Variants in RYR1 observed in about 807,000 individuals in gnomAD.
The protein encoded by RYR1 is ryanodine receptor 1.
Under a neutral mutation model 583.5 loss-of-function variants are expected in RYR1, and 342 were observed. The ratio of observed to expected loss-of-function variants is 0.59; its 90% CI spans 0.54 to 0.64. The LOEUF is 0.64. Ranked by LOEUF, RYR1 falls within the 30% of genes least tolerant of loss-of-function variation. The pLI is 0.00. For synonymous variants in RYR1, 2,791 were observed against 2,822.5 expected, an observed-to-expected ratio of 0.99 and a Z score of 0.35; for missense variants, 6,032 against 6,917.2, an observed-to-expected ratio of 0.87 and a Z score of 4.54.
intron 74 of RYR1, 90 bp downstream of exon 74, chr19:38,528,508 C>T: frequency 6.3e-7 from 1 of 1,587,810 alleles, no homozygotes; most frequent in Non-Finnish European, 8.6e-7. Context: ...CGTGATGGGG[C>T]CTTGAGGGTG....
chr19:38,499,278 A>G lies in RYR1; in HGVS notation c.7027+35A>G, dbSNP rs749557575. On this transcript the variant is annotated intron_variant, in intron 43 of 105. Coordinates refer to ENST00000359596, the MANE Select transcript of RYR1 (RefSeq NM_000540.3). This position sits in a 1 kb window ranked among gnomAD's most constrained non-coding sequence, Gnocchi z 7.3. ...GGGTGGCAGTGGCAGAGCGGGAAGT[A>G]TGGAGTCACTGGTCACACACCTCCC... 2 of 1,613,998 alleles carry G rather than the reference A, an allele frequency of 1.2e-6. No homozygotes were observed. The highest frequency in any genetic ancestry group is 2.2e-5 in the East Asian group (1 of 44,882).
At position 38,586,206 on chromosome 19, in the gene RYR1, T is replaced by C; in HGVS notation, c.14969+15T>C. On this transcript the variant is annotated intron_variant, in intron 104 of 105. Coordinates refer to ENST00000359596, the MANE Select transcript of RYR1 (RefSeq NM_000540.3). ...GCCAATTACATGTGAGCAGACACAC[T>C]GGCCAGTCAGGAGGGTGGGGGGCAT... 6.2e-7 allele frequency: 1 copy of C among 1,610,288 alleles called. No homozygotes were observed. Among genetic ancestry groups the C allele is most frequent in the Non-Finnish European group, 8.5e-7 (1 of 1,177,862 alleles).
chr19:38,467,708 G>T lies in RYR1; in HGVS notation c.3277G>T (p.Ala1093Ser), dbSNP rs1968183094. Reference sequence around the variant, plus strand: ...CGGCCGCTGGTACTTCGAGTTTGAAGCAGTCACCACAGGCGAGATGCGCGT... The same window carrying T: ...CGGCCGCTGGTACTTCGAGTTTGAATCAGTCACCACAGGCGAGATGCGCGT... ...QSGRWYFEFE[A>S]VTTGEMRVGW... Residue 1093 changes from alanine (A) to serine (S), a missense_variant, in exon 25 of 106, where the codon GCA becomes TCA. Transcript: ENST00000359596. 1 of 1,614,116 alleles carries T rather than the reference G, an allele frequency of 6.2e-7. No homozygotes were observed. The highest frequency in any genetic ancestry group is 1.1e-5 in the South Asian group (1 of 91,086).
intron 82 of RYR1, 64 bp downstream of exon 82, chr19:38,536,134 AC>A: frequency 1.1e-6 from 1 of 931,266 alleles, no homozygotes; most frequent in Non-Finnish European, 1.3e-6. Context: ...CTCCCACCCC[AC>A]CCCCACCCGC....
chr19:38,479,587 ATTG>A (rs776260705), intron 31 of RYR1, among the ~76,000 whole-genome samples: 2 of 151,574 alleles, frequency 1.3e-5, no homozygotes, highest in Non-Finnish European at 2.9e-5. Context: ...TTTTGTGTGT[ATTG>A]TTTGTAGAGA....
chr19:38,586,349 G>T (rs1185315966), intron 104 of RYR1, among the ~76,000 whole-genome samples, 158 bp downstream of exon 104: 1 of 152,198 alleles, frequency 6.6e-6, no homozygotes. Flanking sequence ...GGCCCCGCAA[G>T]ATGGTTCACA....
intron 97 of RYR1, among the ~76,000 whole-genome samples, chr19:38,576,303 A>C (rs1272711024): frequency 3.9e-5 from 6 of 152,008 alleles, no homozygotes; most frequent in Non-Finnish European, 8.8e-5. Context: ...AAAATACAAA[A>C]AATTAGCACG....
At chr19:38,537,058 T>C in intron 83 of RYR1, 1 of 546,888 alleles carries the variant, frequency 1.8e-6, no homozygotes, top group Non-Finnish European at 3.3e-6. Flanking sequence ...AAAGATCTCT[T>C]TCCAGCTGGA....
chr19:38,472,616 G>A (rs2145479152), intron 27 of RYR1, among the ~76,000 whole-genome samples: 2 of 152,034 alleles, frequency 1.3e-5, no homozygotes, highest in East Asian at 1.9e-4. Context: ...GGTGGCTCAC[G>A]CCTGTAATCC....
In RYR1 at chr19:38,450,678, T is replaced by G. The variant is rs73930578; in HGVS notation, c.1123-1086T>G. The stretch of plus-strand genomic sequence containing the variant: ...TTGTGCCATTTGCATAGGGCACAAA[T>G]TTCTGGCTGCCTCCACCCTAAGCTT... On this transcript the variant is annotated intron_variant, in intron 11 of 105. Transcript: ENST00000359596. Among the ~76,000 whole-genome samples the G allele has an allele frequency of 1.9e-3, 296 of 152,178 alleles. 1 individual carries two copies. Among genetic ancestry groups the G allele is most frequent in the African/African-American group, 6.6e-3 (276 of 41,504 alleles).
At chr19:38,494,688 A>G (rs1442665467) in intron 39 of RYR1, 63 bp downstream of exon 39, 27 of 1,596,426 alleles carry the variant, frequency 1.7e-5, no homozygotes, top group African/African-American at 2.7e-5. Flanking sequence ...CCCTCAGGAT[A>G]CAATAACATT....
rs760401218 is a variant in RYR1, at chr19:38,510,705, T to C, written c.9046T>C (p.Tyr3016His). 3.1e-6 allele frequency: 5 copies of C among 1,614,106 alleles called. No individual in the cohort carries two copies. The highest frequency in any genetic ancestry group is 4.2e-6 in the Non-Finnish European group (5 of 1,180,038). ...INQYFTNHCL[Y>H]FLSTPAKVLG... ...CCAGTACTTCACCAACCACTGCCTC[T>C]ATTTCTTGTCCACTCCGGCTAAAGT... The change falls in exon 60 of 106, where the codon TAT (tyrosine) becomes CAT (histidine). Residue 3016 changes from tyrosine to histidine, a missense_variant. This residue lies in a region of RYR1 where 1,493 missense variants were observed against 1,715.5 expected (regional missense o/e 0.87). Coordinates refer to ENST00000359596, the MANE Select transcript of RYR1 (RefSeq NM_000540.3).
At position 38,490,741 on chromosome 19, in the gene RYR1, T is replaced by A; in HGVS notation, c.6127+9T>A. ...CCTGCTGGCACACTGTGGTAAGGAG[T>A]GGGGATCAGAGAGTCCTCCCCATGC... On this transcript the variant is annotated intron_variant, in intron 37 of 105. Coordinates refer to ENST00000359596, the MANE Select transcript of RYR1 (RefSeq NM_000540.3). 6.3e-7 allele frequency: 1 copy of A among 1,580,574 alleles called. No homozygotes were observed. The highest frequency in any genetic ancestry group is 8.7e-7 in the Non-Finnish European group (1 of 1,149,218).
In RYR1 at chr19:38,505,082, G is replaced by T. The variant is rs1970380121; in HGVS notation, c.8310+1G>T. 1.9e-6 allele frequency: 3 copies of T among 1,613,876 alleles called. No individual in the cohort carries two copies. The highest frequency in any genetic ancestry group is 1.3e-5 in the African/African-American group (1 of 74,870). On this transcript the variant is annotated splice_donor_variant, in intron 52 of 105. Transcript: ENST00000359596. LOFTEE classifies it high-confidence loss of function. ...ACACGAGAAGTGGGCCTTCGACAAG[G>T]TTGGCCTCAGGGTCCTCCTATCCAA... is the stretch of plus-strand genomic sequence containing the variant.
intron 1 of RYR1, among the ~76,000 whole-genome samples, chr19:38,435,141 A>G (rs571221719): frequency 6.6e-6 from 1 of 152,272 alleles, no homozygotes; most frequent in East Asian, 1.9e-4. Flanking sequence ...CTCCTGAGAC[A>G]TCTAATTATA....
chr19:38,530,987 C>CTCTTTT (rs773883038), intron 76 of RYR1, among the ~76,000 whole-genome samples: 1 of 129,378 alleles, frequency 7.7e-6, no homozygotes, highest in South Asian at 2.5e-4. Context: ...TTTTCTTTCT[C>CTCTTTT]TTTTTTTTTT....
At chr19:38,456,504 A>T (rs546178853) in intron 16 of RYR1, among the ~76,000 whole-genome samples, 1 of 149,678 alleles carries the variant, frequency 6.7e-6, no homozygotes. Context: ...CTGGTCTCGA[A>T]CTCCTGACCT....
chr19:38,536,051 G>A lies in RYR1; in HGVS notation c.11571G>A (p.Met3857Ile), dbSNP rs1329151420. ...AGAACAAGGCCGAGGGGCTGGGCATGGTGAATGAGGATGGCACTGGTGAGG... is the reference window on the plus strand; with the variant it reads ...AGAACAAGGCCGAGGGGCTGGGCATAGTGAATGAGGATGGCACTGGTGAGG... Reference protein sequence around the residue: ...ERQNKAEGLGMVNEDGTVINR... With the variant: ...ERQNKAEGLGIVNEDGTVINR... Residue 3857 changes from methionine to isoleucine, a missense_variant, in exon 82 of 106, where the codon ATG (methionine) becomes ATA (isoleucine). Physicochemically the swap from Met to Ile is conservative, Grantham distance 10 (BLOSUM62 1). Transcript: ENST00000359596. 1.9e-6 allele frequency: 3 copies of A among 1,613,472 alleles called. No individual in the cohort carries two copies. The highest frequency in any genetic ancestry group is 2.5e-6 in the Non-Finnish European group (3 of 1,179,958).
chr19:38,460,300 T>C (rs1226882048), intron 19 of RYR1, 75 bp from the exon 20 acceptor site: 10 of 1,360,346 alleles, frequency 7.4e-6, no homozygotes, highest in Non-Finnish European at 1.1e-5. Context: ...CAGGACTGCT[T>C]CCATGTCCCC....
Sources: gnomAD v4.1 joint callset for allele counts (sites outside exome capture counted in the v4.1 genomes callset) on GRCh38, gnomAD v4.1.1 for gene constraint, gnomAD v4.1.1 regional missense constraint, Gnocchi (gnomAD v3.1) non-coding constraint, MANE v1.5 for transcripts, NCBI Gene and HGNC (gene_info 2026-07-23, HGNC 2026-07-21) for gene names.